The following PARD3 variants were observed in gnomAD, a reference collection of about 807,000 sequenced individuals.
PARD3 encodes the protein partitioning defective 3 homolog.
In PARD3, 75 loss-of-function variants were observed where a neutral mutation model predicts 155.4. The observed-to-expected ratio is 0.48, with a 90% CI of 0.40 to 0.58. The LOEUF (loss-of-function observed/expected upper bound fraction) is 0.58. Ranked by LOEUF, PARD3 falls within the 20% of genes least tolerant of loss-of-function variation. PARD3 has a pLI of 0.00. For synonymous variants in PARD3, 576 were observed against 610.5 expected, an observed-to-expected ratio of 0.94 and a Z score of 0.83; for missense variants, 1,642 against 1,721.7, an observed-to-expected ratio of 0.95 and a Z score of 0.82.
At chr10:34,689,841 A>G (rs1401507873) in intron 2 of PARD3, among the ~76,000 whole-genome samples, 1 of 152,210 alleles carries the variant, frequency 6.6e-6, no homozygotes, top group Non-Finnish European at 1.5e-5. Flanking sequence ...TTGTGTCAAA[A>G]CAAGAGTGCA....
Position 34,140,794 on chromosome 10 carries a change from T to C in PARD3, c.3420-9211A>G, listed in dbSNP as rs370397498. ...CCCATATGTTCACCAAACACCTGAA[T>C]TCAATTTCTCTTCTGGTTGTGAAGT... On this transcript the variant is annotated intron_variant, in intron 22 of 24. Coordinates refer to ENST00000374788, the MANE Select transcript of PARD3 (RefSeq NM_001184785.2). Among the ~76,000 whole-genome samples, 11 of 152,290 alleles carry C rather than the reference T, an allele frequency of 7.2e-5. No individual in the cohort carries two copies. The East Asian group carries it at 1.9e-3, about 27-fold the overall frequency.
chr10:34,771,329 C>G (rs1209536955), intron 1 of PARD3, among the ~76,000 whole-genome samples: 2 of 152,162 alleles, frequency 1.3e-5, no homozygotes, highest in African/African-American at 4.8e-5. Context: ...TCAGCCTCCC[C>G]TCTTCATCTG....
chr10:34,547,691 T>C (rs573652350), intron 2 of PARD3, among the ~76,000 whole-genome samples: 38 of 152,304 alleles, frequency 2.5e-4, no homozygotes, highest in African/African-American at 9.1e-4. Flanking sequence ...TGACCTGACA[T>C]CTATTGACCA....
intron 22 of PARD3, among the ~76,000 whole-genome samples, chr10:34,242,643 G>A (rs1260310129): frequency 1.3e-5 from 2 of 152,182 alleles, no homozygotes; most frequent in African/African-American, 4.8e-5. Flanking sequence ...AATGACCACT[G>A]TAAAGACCTT....
intron 22 of PARD3, among the ~76,000 whole-genome samples, chr10:34,256,965 T>C (rs1405784050): frequency 6.6e-6 from 1 of 152,194 alleles, no homozygotes; most frequent in Non-Finnish European, 1.5e-5. Flanking sequence ...TGAAAAATAC[T>C]AAGGATATCT....
intron 3 of PARD3, 101 bp downstream of exon 3, chr10:34,516,878 A>G (rs2081804918): frequency 8.6e-7 from 1 of 1,157,698 alleles, no homozygotes; most frequent in African/African-American, 1.5e-5. Flanking sequence ...TTTGAATAAA[A>G]CAGATAATTA....
intron 1 of PARD3, among the ~76,000 whole-genome samples, chr10:34,750,691 AT>A (rs10643701): frequency 0.047 from 6,801 of 143,526 alleles, 420 homozygotes; most frequent in African/African-American, 0.15. Flanking sequence ...TGACATAACA[AT>A]TTTTTTTTTT....
intron 5 of PARD3, among the ~76,000 whole-genome samples, chr10:34,402,654 T>C (rs946462755): frequency 7.9e-5 from 12 of 152,200 alleles, no homozygotes; most frequent in African/African-American, 1.7e-4. Context: ...ATGCTTCCTT[T>C]GACAAAGGCA....
chr10:34,522,277 A>T (rs2082194565), intron 2 of PARD3, among the ~76,000 whole-genome samples: 1 of 152,172 alleles, frequency 6.6e-6, no homozygotes, highest in South Asian at 2.1e-4. Flanking sequence ...TCATGAGCCA[A>T]GGAAAGTGAG....
At chr10:34,241,537 T>C (rs946685940) in intron 22 of PARD3, among the ~76,000 whole-genome samples, 17 of 151,752 alleles carry the variant, frequency 1.1e-4, no homozygotes, top group Non-Finnish European at 2.1e-4. Context: ...AACAGAGGAA[T>C]GGAAAGCAGC....
At chr10:34,750,471 ACACAC>A in intron 1 of PARD3, among the ~76,000 whole-genome samples, 1 of 48,810 alleles carries the variant, frequency 2.0e-5, no homozygotes, top group Admixed American at 1.8e-4. Flanking sequence ...AAACACACAC[ACACAC>A]ACACACACAC....
intron 7 of PARD3, among the ~76,000 whole-genome samples, chr10:34,398,486 G>C (rs1354178937): frequency 6.6e-6 from 1 of 152,076 alleles, no homozygotes; most frequent in African/African-American, 2.4e-5. Context: ...AGCAATAAAA[G>C]AAATAAGTTA....
chr10:34,355,941 A>C (rs368839764), intron 14 of PARD3, among the ~76,000 whole-genome samples: 9,555 of 131,952 alleles, frequency 0.072, 562 homozygotes, highest in Non-Finnish European at 0.094. Flanking sequence ...AAAAAAAAAA[A>C]AAAAACAAAA....
At chr10:34,392,706 C>T (rs1842960614) in intron 7 of PARD3, among the ~76,000 whole-genome samples, 1 of 152,000 alleles carries the variant, frequency 6.6e-6, no homozygotes, top group Non-Finnish European at 1.5e-5. Context: ...TTCAACTTCC[C>T]TTCTTCCTGA....
At chr10:34,347,054 T>G (rs1407897238) in intron 15 of PARD3, among the ~76,000 whole-genome samples, 1 of 152,234 alleles carries the variant, frequency 6.6e-6, no homozygotes, top group Non-Finnish European at 1.5e-5. Context: ...ACTGTTTCAA[T>G]GAGGCTCCAT....
At position 34,604,732 on chromosome 10, in the gene PARD3, A is replaced by G. The variant is rs184954255; in HGVS notation, c.223-87573T>C. On this transcript the variant is annotated intron_variant, in intron 2 of 24. Transcript: ENST00000374788. ...TAAAAGTGTACTTTATTGAACTATA[A>G]GCAACAAAGATATTGACAAATCTCG... Among the ~76,000 whole-genome samples the G allele has an allele frequency of 7.9e-5, 12 of 151,556 alleles. No individual in the cohort carries two copies. The East Asian group carries it at 2.3e-3, about 29-fold the overall frequency.
chr10:34,277,319 A>T (rs908095813), intron 21 of PARD3, among the ~76,000 whole-genome samples: 1 of 152,154 alleles, frequency 6.6e-6, no homozygotes, highest in Non-Finnish European at 1.5e-5. Context: ...CTTCAAAAAT[A>T]CTGCAGCTCA....
Position 34,399,255 on chromosome 10 carries a change from A to T in PARD3, c.890+75T>A, listed in dbSNP as rs182949609. The T allele has an allele frequency of 7.5e-5, 71 of 943,418 alleles. No individual in the cohort carries two copies. The African/African-American group carries it at 1.0e-3, about 14-fold the overall frequency. The allele number at this position is 943,418 out of a possible 1,614,324, so 58.4% of individuals were successfully genotyped here. A position where few individuals can be genotyped will look rare whatever the true frequency, so the allele number is the denominator to read the frequency against. ...ATTAAGCATATGCTAAGTCAACACC[A>T]CTCTCTATCTGAGCATAAATGAAGA... On this transcript the variant is annotated intron_variant, in intron 7 of 24. Transcript: ENST00000374788.
At chr10:34,221,182 G>A (rs1046279033) in intron 22 of PARD3, among the ~76,000 whole-genome samples, 2 of 152,180 alleles carry the variant, frequency 1.3e-5, no homozygotes, top group African/African-American at 4.8e-5. Context: ...AGTGAAGTCT[G>A]ATGGGTTAAA....
Sources: allele counts gnomAD v4.1 joint callset (sites outside exome capture counted in the v4.1 genomes callset), GRCh38; gene constraint gnomAD v4.1.1; transcripts MANE v1.5; gene names NCBI Gene and HGNC (gene_info 2026-07-23, HGNC 2026-07-21).